Variants in TRIM50 observed in about 807,000 individuals in gnomAD.
TRIM50 encodes the protein tripartite motif containing 50, also known as E3 ubiquitin-protein ligase TRIM50.
In TRIM50, 34 loss-of-function variants were observed where a neutral mutation model predicts 44.9. The observed-to-expected ratio is 0.76, with a 90% CI of 0.58 to 1.01. The LOEUF (loss-of-function observed/expected upper bound fraction) is 1.01. Among genes scored for constraint, TRIM50 ranks in the 50% least tolerant of loss-of-function variants. The probability of loss-of-function intolerance (pLI) is 0.00; values close to 1 mark genes in which losing one functional copy is unlikely to be tolerated. For missense variants in TRIM50, 633 were observed against 663.7 expected (o/e 0.95, Z 0.51); for synonymous variants, 307 against 291.1 (o/e 1.05, Z -0.56).
intron 6 of TRIM50, among the ~76,000 whole-genome samples, chr7:73,316,151 G>A (rs1554544031): frequency 6.6e-6 from 1 of 152,134 alleles, no homozygotes; most frequent in East Asian, 1.9e-4. Flanking sequence ...AAAATGCTGG[G>A]ATTACAGGCA....
intron 2 of TRIM50, among the ~76,000 whole-genome samples, chr7:73,321,177 T>A (rs1247339873): frequency 6.6e-6 from 1 of 152,060 alleles, no homozygotes. Context: ...AATTTTTTTT[T>A]AAAGAATATT....
In TRIM50 at chr7:73,312,966, G is replaced by T. The variant is rs752342163; in HGVS notation, c.1419C>A (p.Pro473=). ...CGGGGCTGAGGGGGCCAGGCCCGCTGGGCGGGGGCAGCACCATGGGCAGCG... is the reference window on the plus strand; with the variant it reads ...CGGGGCTGAGGGGGCCAGGCCCGCTTGGCGGGGGCAGCACCATGGGCAGCG... ...SNSLPMVLPP[P]SGPGPLSPEQ... is the part of the protein sequence containing the mutation. The change falls in exon 7 of 7, where the codon CCC becomes CCA. Residue 473 remains proline (P), a synonymous_variant. Coordinates refer to ENST00000333149, the MANE Select transcript of TRIM50 (RefSeq NM_178125.3). 9.0e-5 allele frequency: 139 copies of T among 1,550,396 alleles called. 2 individuals are homozygous for T. The Middle Eastern group carries it at 2.8e-3, about 31-fold the overall frequency.
chr7:73,316,430 C>T (rs1289959536), intron 6 of TRIM50, 135 bp downstream of exon 6: 1 of 1,213,516 alleles, frequency 8.2e-7, no homozygotes, highest in African/African-American at 1.5e-5. Flanking sequence ...GAAACTCAGT[C>T]CCATGCTCTC....
intron 5 of TRIM50, 82 bp downstream of exon 5, chr7:73,318,605 A>C: frequency 6.2e-7 from 1 of 1,611,026 alleles, no homozygotes; most frequent in Non-Finnish European, 8.5e-7. Flanking sequence ...CGCTGGTTAA[A>C]CCGAATGGAG....
Position 73,318,642 on chromosome 7 carries a change from C to T in TRIM50, c.749+45G>A, listed in dbSNP as rs1365287075. On this transcript the variant is annotated intron_variant, in intron 5 of 6. Transcript: ENST00000333149. ...AACCAGTGGAGCTGAGATGCCCGTG[C>T]CCGCAGCCACCAGACCCTGGCTGAG... The T allele has an allele frequency of 5.6e-6, 9 of 1,612,178 alleles. No homozygotes were observed. In the Admixed American group the frequency reaches 1.5e-4, roughly 27 times the overall value.
chr7:73,321,419 G>A lies in TRIM50; in HGVS notation c.400-1177C>T, dbSNP rs1369358584. 3.9e-5 allele frequency among the ~76,000 whole-genome samples: 6 copies of A among 152,166 alleles called. 1 individual carries two copies. Among genetic ancestry groups the A allele is most frequent in the East Asian group, 1.9e-4 (1 of 5,188 alleles). ...AGCCATCACAAAAAGGCCGGCGCCA[G>A]GTGAGGCTAATTCTAGGGCCAGTGG... is the stretch of plus-strand genomic sequence containing the variant. On this transcript the variant is annotated intron_variant, in intron 2 of 6. Coordinates refer to ENST00000333149, the MANE Select transcript of TRIM50 (RefSeq NM_178125.3).
At chr7:73,314,438 C>G in intron 6 of TRIM50, 1 of 432,620 alleles carries the variant, frequency 2.3e-6, no homozygotes, top group Non-Finnish European at 4.5e-6. Context: ...AGAGAAGAAG[C>G]AGAGACTGTT....
rs1563299919 is a variant in TRIM50, at chr7:73,316,683, C to G, written c.756G>C (p.Glu252Asp). Residue 252 changes from glutamate to aspartate, a missense_variant, in exon 6 of 7, where the codon GAG becomes GAC. Glu to Asp is a conservative substitution (Grantham distance 45). Coordinates refer to ENST00000333149, the MANE Select transcript of TRIM50 (RefSeq NM_178125.3). Reference sequence around the variant, plus strand: ...CTTCTAAGGGCCGGGCCTGCGGCATCTCTGCTCTGCAGGTGACAGTTCACA... The same window carrying G: ...CTTCTAAGGGCCGGGCCTGCGGCATGTCTGCTCTGCAGGTGACAGTTCACA... ...RKFHSMASRA[E>D]MPQARPLEGA... is the part of the protein sequence containing the mutation. 3 of 1,613,950 alleles carry G rather than the reference C, an allele frequency of 1.9e-6. No homozygotes were observed. The highest frequency in any genetic ancestry group is 2.5e-6 in the Non-Finnish European group (3 of 1,179,974).
chr7:73,319,242 G>C (rs1355792236), intron 3 of TRIM50, among the ~76,000 whole-genome samples, 190 bp from the exon 4 acceptor site: 1 of 152,174 alleles, frequency 6.6e-6, no homozygotes, highest in African/African-American at 2.4e-5. Flanking sequence ...GTGGCCGTGG[G>C]GAGGGTGACC....
Position 73,312,940 on chromosome 7 carries a change from T to C in TRIM50, c.1445A>G (p.Glu482Gly). The C allele has an allele frequency of 6.5e-7, 1 of 1,546,702 alleles. No homozygotes were observed. The highest frequency in any genetic ancestry group is 8.7e-7 in the Non-Finnish European group (1 of 1,145,358). Residue 482 changes from glutamate (E) to glycine (G), a missense_variant, in exon 7 of 7, where the codon GAG becomes GGG. Glu to Gly is a moderately conservative substitution (Grantham distance 98). Transcript: ENST00000333149. ...PPSGPGPLSP[E>G]QPTKL ...GCGGCCCTACAGCTTGGTGGGCTGC[T>C]CGGGGCTGAGGGGGCCAGGCCCGCT...
At chr7:73,325,775 G>C (rs1554545945) in intron 1 of TRIM50, among the ~76,000 whole-genome samples, 1 of 152,176 alleles carries the variant, frequency 6.6e-6, no homozygotes, top group East Asian at 1.9e-4. Flanking sequence ...CAGAAACAGA[G>C]GGACTGGGTA....
chr7:73,313,082 C>G lies in TRIM50; in HGVS notation c.1303G>C (p.Asp435His). Residue 435 changes from aspartate to histidine, a missense_variant, in exon 7 of 7, where the codon GAC becomes CAC. By Grantham distance (81) the Asp-to-His change is moderately conservative. Transcript: ENST00000333149. The surrounding 1 kb of genome is among the most constrained non-coding windows in gnomAD (Gnocchi z 4.9). ...TGGAAGGTGTAGAGCGGCCGCAGGT[C>G]ATCGGGGCGGTCGGCATCGAAGAAG... is the stretch of plus-strand genomic sequence containing the variant. ...LTFFDADRPD[D>H]LRPLYTFQAD... The G allele has an allele frequency of 6.3e-7, 1 of 1,591,190 alleles. No homozygotes were observed. Among genetic ancestry groups the G allele is most frequent in the South Asian group, 1.1e-5 (1 of 87,368 alleles).
Position 73,318,697 on chromosome 7 carries a change from T to C in TRIM50, c.739A>G (p.Met247Val), listed in dbSNP as rs782528947. Reference sequence around the variant, plus strand: ...CTCCAAGGTTATTACCTGGAGGCCATGGAGTGGAACTTCTGGAAGGCAAGA... The same window carrying C: ...CTCCAAGGTTATTACCTGGAGGCCACGGAGTGGAACTTCTGGAAGGCAAGA... ...HHKFIRKFHS[M>V]ASRAEMPQAR... is the part of the protein sequence containing the mutation. The change falls in exon 5 of 7, where the codon ATG (methionine) becomes GTG (valine). Residue 247 changes from methionine to valine, a missense_variant. Transcript: ENST00000333149. The C allele has an allele frequency of 8.1e-6, 13 of 1,613,826 alleles. No individual in the cohort carries two copies. The highest frequency in any genetic ancestry group is 1.1e-5 in the South Asian group (1 of 91,070).
chr7:73,318,900 C>T lies in TRIM50; in HGVS notation c.648G>A (p.Gln216=), dbSNP rs782371393. 6.2e-7 allele frequency: 1 copy of T among 1,613,974 alleles called. No homozygotes were observed. Among genetic ancestry groups the T allele is most frequent in the Non-Finnish European group, 8.5e-7 (1 of 1,179,846 alleles). ...ASLDMQLEQA[Q]GTRERLAQAE... Reference sequence around the variant, plus strand: ...CTTGGGCCAGCCGCTCCCGGGTTCCCTGGGCCTGCTCCAGCTGCATGTCCA... The same window carrying T: ...CTTGGGCCAGCCGCTCCCGGGTTCCTTGGGCCTGCTCCAGCTGCATGTCCA... Residue 216 remains glutamine, a synonymous_variant, in exon 4 of 7, where the codon CAG becomes CAA. Coordinates refer to ENST00000333149, the MANE Select transcript of TRIM50 (RefSeq NM_178125.3).
At chr7:73,323,865 A>T (rs1283945987) in intron 2 of TRIM50, among the ~76,000 whole-genome samples, 1 of 152,008 alleles carries the variant, frequency 6.6e-6, no homozygotes, top group African/African-American at 2.4e-5. Flanking sequence ...ACATAACAAG[A>T]CCCCATTTCT....
At chr7:73,324,267 G>C (rs1360024920) in intron 2 of TRIM50, 122 bp downstream of exon 2, 3 of 1,536,698 alleles carry the variant, frequency 2.0e-6, no homozygotes, top group African/African-American at 1.4e-5. Context: ...GAATGCGCCA[G>C]GGCACAGCTG....
At position 73,313,252 on chromosome 7, in the gene TRIM50, C is replaced by G; in HGVS notation, c.1133G>C (p.Arg378Thr). 6.3e-7 allele frequency: 1 copy of G among 1,599,654 alleles called. No individual in the cohort carries two copies. The highest frequency in any genetic ancestry group is 8.5e-7 in the Non-Finnish European group (1 of 1,173,780). Residue 378 changes from arginine (R) to threonine (T), a missense_variant, in exon 7 of 7, where the codon AGG (arginine) becomes ACG (threonine). Coordinates refer to ENST00000333149, the MANE Select transcript of TRIM50 (RefSeq NM_178125.3). The surrounding 1 kb of genome is among the most constrained non-coding windows in gnomAD (Gnocchi z 4.9). ...GTASRKGKLN[R>T]SPEHGVWLIG... ...CAGCCACACGCCGTGCTCGGGGGAC[C>G]TGTTCAGCTTGCCCTTACGGCTGGC...
intron 6 of TRIM50, 37 bp downstream of exon 6, chr7:73,316,528 G>GGCA (rs782662331): frequency 6.2e-7 from 1 of 1,611,870 alleles, no homozygotes. Context: ...TGCCCTGGGC[G>GGCA]GCAGCCCTCA....
At position 73,312,783 on chromosome 7, in the gene TRIM50, AC is replaced by A; in HGVS notation, c.*137del. On this transcript the variant is annotated 3_prime_UTR_variant, in exon 7 of 7. Transcript: ENST00000333149. ...GACTGGGGTCCTGTTCCCTATCATT[AC>A]ATGTTCCAGGGACACACAGGCCTGA... 2.9e-6 allele frequency: 2 copies of A among 677,994 alleles called. No individual in the cohort carries two copies. Among genetic ancestry groups the A allele is most frequent in the Non-Finnish European group, 4.9e-6 (2 of 411,882 alleles). 42.0% of individuals were successfully genotyped at this position (677,994 alleles called of 1,614,324 possible). A position where few individuals can be genotyped will look rare whatever the true frequency, so the allele number is the denominator to read the frequency against.
Sources: gnomAD v4.1 joint callset for allele counts (sites outside exome capture counted in the v4.1 genomes callset) on GRCh38, gnomAD v4.1.1 for gene constraint, Gnocchi (gnomAD v3.1) non-coding constraint, MANE v1.5 for transcripts, NCBI Gene and HGNC (gene_info 2026-07-23, HGNC 2026-07-21) for gene names.